Variants in MED1 observed in about 807,000 individuals in gnomAD.
MED1 encodes the protein mediator of RNA polymerase II transcription subunit 1.
MED1 carries 17 observed loss-of-function variants against 121.3 expected under a neutral mutation model. That is an observed-to-expected ratio of 0.14 (90% CI 0.10 to 0.21). The LOEUF is 0.21. Among genes scored for constraint, MED1 ranks in the 10% least tolerant of loss-of-function variants. The probability of loss-of-function intolerance (pLI) is 1.00; values close to 1 mark genes in which losing one functional copy is unlikely to be tolerated. For synonymous variants in MED1, 661 were observed against 694.4 expected, an observed-to-expected ratio of 0.95 and a Z score of 0.76; for missense variants, 1,558 against 1,919.4, an observed-to-expected ratio of 0.81 and a Z score of 3.52.
intron 2 of MED1, among the ~76,000 whole-genome samples, chr17:39,446,785 A>T (rs1443925252): frequency 4.0e-5 from 6 of 151,768 alleles, no homozygotes; most frequent in Non-Finnish European, 8.8e-5. Context: ...AGAAAAAAAA[A>T]AAAAAACTAG....
chr17:39,415,050 T>C lies in MED1; in HGVS notation c.1475A>G (p.Asp492Gly). ...CCTTTGAACAACTTTGGCAATGAAG[T>C]CATCTGTGCAGATCAGTGCATCCGA... ...GLSDALICTDDFIAKVVQRCM... is the reference protein window; with the variant it reads ...GLSDALICTDGFIAKVVQRCM... The change falls in exon 16 of 17, where the codon GAC becomes GGC. Residue 492 changes from aspartate to glycine, a missense_variant. Transcript: ENST00000300651. 2 of 1,614,120 alleles carry C rather than the reference T, an allele frequency of 1.2e-6. No individual in the cohort carries two copies. The highest frequency in any genetic ancestry group is 2.2e-5 in the South Asian group (2 of 91,086).
At position 39,451,055 on chromosome 17, in the gene MED1, G is replaced by A; in HGVS notation, c.8C>T (p.Ala3Val). ...TCACTTACCCTCGGTTTCCCCCTGA[G>A]CTTTCATCCTGAAGGCGAGGAGAAG... MK[A>V]QGETEESEKL... The change falls in exon 1 of 17, where the codon GCT becomes GTT. Residue 3 changes from alanine to valine, a missense_variant. Transcript: ENST00000300651. 1 of 1,610,904 alleles carries A rather than the reference G, an allele frequency of 6.2e-7. No homozygotes were observed. The highest frequency in any genetic ancestry group is 8.5e-7 in the Non-Finnish European group (1 of 1,178,768).
In MED1 at chr17:39,440,282, TG is replaced by T; in HGVS notation, c.399+103del. ...ATCACATCATCTCTACAGTGGCTCA[TG>T]GAAAAACCTAAACCCAAGCTATTTA... On this transcript the variant is annotated intron_variant, in intron 5 of 16. Transcript: ENST00000300651. The surrounding 1 kb of genome is among the most constrained non-coding windows in gnomAD (Gnocchi z 4.1). The T allele has an allele frequency of 1.6e-6, 2 of 1,225,290 alleles. No homozygotes were observed. The highest frequency in any genetic ancestry group is 1.6e-5 in the South Asian group (1 of 60,786). 75.9% of individuals were successfully genotyped at this position (1,225,290 alleles called of 1,614,324 possible). A position where few individuals can be genotyped will look rare whatever the true frequency, so the allele number is the denominator to read the frequency against.
At position 39,409,458 on chromosome 17, in the gene MED1, C is replaced by T; in HGVS notation, c.2763G>A (p.Lys921=). 6.2e-7 allele frequency: 1 copy of T among 1,614,098 alleles called. No individual in the cohort carries two copies. Among genetic ancestry groups the T allele is most frequent in the Non-Finnish European group, 8.5e-7 (1 of 1,180,024 alleles). Reference sequence around the variant, plus strand: ...CAACTGTGTCGGCTTGGTTATTGCCCTTAAACTTGGTCTCCCCATTATCAC... The same window carrying T: ...CAACTGTGTCGGCTTGGTTATTGCCTTTAAACTTGGTCTCCCCATTATCAC... The part of the protein sequence containing the change: ...LGGDNGETKF[K]GNNQADTVDF... The change falls in exon 17 of 17, where the codon AAG becomes AAA. Residue 921 remains lysine (K), a synonymous_variant. Coordinates refer to ENST00000300651, the MANE Select transcript of MED1 (RefSeq NM_004774.4).
intron 7 of MED1, among the ~76,000 whole-genome samples, chr17:39,434,047 C>T (rs1035638883): frequency 1.3e-5 from 2 of 152,220 alleles, no homozygotes; most frequent in Middle Eastern, 6.8e-3. Flanking sequence ...TGTCTTCCAG[C>T]ATTATGATCG....
intron 6 of MED1, among the ~76,000 whole-genome samples, chr17:39,437,744 G>C (rs758255139): frequency 3.5e-4 from 53 of 152,142 alleles, no homozygotes; most frequent in Middle Eastern, 6.8e-3. Context: ...AGATCAGCCT[G>C]GGCAACACGG....
intron 9 of MED1, among the ~76,000 whole-genome samples, chr17:39,428,459 T>C (rs1467924930): frequency 1.3e-5 from 2 of 150,466 alleles, no homozygotes; most frequent in Non-Finnish European, 1.5e-5. Flanking sequence ...ACTCCAGCCC[T>C]GGCAACAGAG....
chr17:39,414,338 A>ATT (rs751757759), intron 16 of MED1, among the ~76,000 whole-genome samples: 5 of 142,386 alleles, frequency 3.5e-5, no homozygotes, highest in East Asian at 2.0e-4. Flanking sequence ...TGAAAACAAC[A>ATT]TTTTTTTTTT....
chr17:39,429,532 G>A (rs1326107401), intron 9 of MED1, among the ~76,000 whole-genome samples: 2 of 150,680 alleles, frequency 1.3e-5, no homozygotes, highest in African/African-American at 2.4e-5. Context: ...CCTGTCTCTG[G>A]TAAAAATACA....
In MED1 at chr17:39,409,185, C is replaced by A. The variant is rs1421076229; in HGVS notation, c.3036G>T (p.Arg1012=). 9.3e-6 allele frequency: 15 copies of A among 1,614,214 alleles called. No individual in the cohort carries two copies. Among genetic ancestry groups the A allele is most frequent in the East Asian group, 4.5e-5 (2 of 44,890 alleles). Residue 1012 remains arginine, a synonymous_variant, in exon 17 of 17, where the codon CGG becomes CGT. Coordinates refer to ENST00000300651, the MANE Select transcript of MED1 (RefSeq NM_004774.4). ...DGKSKDKPPK[R]KKADTEGKSP... ...ACTTTCCCTCAGTGTCTGCCTTCTT[C>A]CGCTTTGGAGGCTTATCTTTGCTTT...
chr17:39,443,882 A>G (rs957817027), intron 2 of MED1, among the ~76,000 whole-genome samples: 3 of 152,180 alleles, frequency 2.0e-5, no homozygotes, highest in Non-Finnish European at 4.4e-5. Context: ...TAATTCTAGC[A>G]CACTGAGAGG....
intron 1 of MED1, among the ~76,000 whole-genome samples, chr17:39,450,555 T>C (rs180733764): frequency 2.0e-3 from 304 of 152,290 alleles, no homozygotes; most frequent in African/African-American, 7.2e-3. Context: ...CTGCAGTTCG[T>C]AGTTCGGTCA....
chr17:39,418,088 A>G (rs1421312344), intron 14 of MED1, among the ~76,000 whole-genome samples: 1 of 150,092 alleles, frequency 6.7e-6, no homozygotes. Flanking sequence ...TCCGTCTCAA[A>G]AAAAAAAAAA....
At chr17:39,419,944 T>C (rs368516205) in intron 13 of MED1, 26 bp from the exon 14 acceptor site, 1 of 1,599,698 alleles carries the variant, frequency 6.3e-7, no homozygotes, top group South Asian at 1.1e-5. Flanking sequence ...AGTTAACGAG[T>C]GCTATTTAGT....
At chr17:39,450,894 T>C (rs2144782483) in intron 1 of MED1, 144 bp downstream of exon 1, 1 of 640,602 alleles carries the variant, frequency 1.6e-6, no homozygotes, top group East Asian at 3.0e-5. Flanking sequence ...GAGGGTATAG[T>C]GACAATCTAA....
At chr17:39,413,912 TAAAAAAAAAAA>T (rs66489961) in intron 16 of MED1, among the ~76,000 whole-genome samples, 2 of 69,852 alleles carry the variant, frequency 2.9e-5, no homozygotes, top group African/African-American at 1.1e-4. Flanking sequence ...GTAATATCAT[TAAAAAAAAAAA>T]AAAAAAAAAA....
In MED1 at chr17:39,407,724, C is replaced by T; in HGVS notation, c.4497G>A (p.Lys1499=). 6.2e-7 allele frequency: 1 copy of T among 1,613,948 alleles called. No individual in the cohort carries two copies. Among genetic ancestry groups the T allele is most frequent in the Non-Finnish European group, 8.5e-7 (1 of 1,179,982 alleles). Residue 1499 remains lysine (K), a synonymous_variant, in exon 17 of 17, where the codon AAG becomes AAA. Coordinates refer to ENST00000300651, the MANE Select transcript of MED1 (RefSeq NM_004774.4). ...TTACTTTCTTCTTTTCCTTTTTGTG[C>T]TTCTTATGTTTCTCTGTGCTGTATT... ...LPEYSTEKHK[K]HKKEKKKVKD... is the part of the protein sequence containing the mutation.
intron 1 of MED1, among the ~76,000 whole-genome samples, chr17:39,448,631 T>C (rs1346509304): frequency 1.3e-5 from 2 of 151,546 alleles, no homozygotes; most frequent in Non-Finnish European, 2.9e-5. Context: ...AAATGCTGGC[T>C]GGGCGGAGTG....
intron 2 of MED1, among the ~76,000 whole-genome samples, chr17:39,446,523 C>T (rs1015709716): frequency 6.0e-5 from 9 of 150,268 alleles, no homozygotes; most frequent in East Asian, 2.0e-4. Flanking sequence ...CAGTGGCTCA[C>T]GCCTGTAATC....
Sources: allele counts gnomAD v4.1 joint callset (sites outside exome capture counted in the v4.1 genomes callset), GRCh38; gene constraint gnomAD v4.1.1; non-coding constraint Gnocchi (gnomAD v3.1); transcripts MANE v1.5; gene names NCBI Gene and HGNC (gene_info 2026-07-23, HGNC 2026-07-21).